EPB41L1: variants seen among roughly 807,000 people sequenced by gnomAD.
EPB41L1 encodes the protein erythrocyte membrane protein band 4.1 like 1.
A neutral mutation model predicts 97.8 loss-of-function variants in EPB41L1; 29 were observed. The ratio of observed to expected loss-of-function variants is 0.30; its 90% CI spans 0.22 to 0.40. EPB41L1 has a LOEUF of 0.40. Ranked by LOEUF, EPB41L1 falls within the 10% of genes least tolerant of loss-of-function variation. EPB41L1 has a pLI of 1.00. For synonymous variants in EPB41L1, 383 were observed against 459.2 expected, an observed-to-expected ratio of 0.83 and a Z score of 2.12; for missense variants, 812 against 1,162.3, an observed-to-expected ratio of 0.70 and a Z score of 4.38.
intron 17 of EPB41L1, 81 bp downstream of exon 17, chr20:36,214,521 G>C: frequency 8.5e-7 from 1 of 1,182,966 alleles, no homozygotes; most frequent in Admixed American, 1.9e-5. Flanking sequence ...AACATCGCCT[G>C]GCTGCTTCAG....
intron 1 of EPB41L1, among the ~76,000 whole-genome samples, chr20:36,096,808 T>C (rs2147464940): frequency 1.3e-5 from 2 of 152,358 alleles, no homozygotes; most frequent in South Asian, 4.1e-4. Context: ...GTGCCTGACT[T>C]ATGATTTGTG....
At position 36,232,331 on chromosome 20, in the gene EPB41L1, C is replaced by A; in HGVS notation, c.*2991C>A. ...GAGGGCGGTTAGGAGTTCTGGGTGA[C>A]CATCCTGGCTCAGCTCCTAACTCAC... On this transcript the variant is annotated 3_prime_UTR_variant, in exon 22 of 22. Transcript: ENST00000338074. 6.1e-6 allele frequency: 2 copies of A among 327,428 alleles called. No individual in the cohort carries two copies. Among genetic ancestry groups the A allele is most frequent in the Non-Finnish European group, 5.5e-6 (1 of 181,916 alleles). 20.3% of individuals were successfully genotyped at this position (327,428 alleles called of 1,614,324 possible). A position where few individuals can be genotyped will look rare whatever the true frequency, so the allele number is the denominator to read the frequency against.
At chr20:36,222,574 C>G (rs780912455) in intron 21 of EPB41L1, among the ~76,000 whole-genome samples, 180 bp downstream of exon 21, 41 of 152,042 alleles carry the variant, frequency 2.7e-4, no homozygotes, top group Admixed American at 2.7e-3. Flanking sequence ...AGATACAAGT[C>G]GGTGGGGAGA....
At chr20:36,175,782 C>T in intron 3 of EPB41L1, 67 bp downstream of exon 3, 4 of 1,577,290 alleles carry the variant, frequency 2.5e-6, no homozygotes, top group Non-Finnish European at 3.5e-6. Context: ...GGGCAGGCTC[C>T]TGTGTGTACC....
intron 2 of EPB41L1, among the ~76,000 whole-genome samples, chr20:36,128,359 C>G (rs77052090): frequency 6.6e-6 from 1 of 152,098 alleles, no homozygotes; most frequent in African/African-American, 2.4e-5. Flanking sequence ...TGCCCCAGGC[C>G]GGGCCTTAGA....
intron 14 of EPB41L1, chr20:36,208,277 G>A (rs747330654): frequency 2.3e-5 from 10 of 425,746 alleles, no homozygotes; most frequent in Non-Finnish European, 4.3e-5. Context: ...GCCTCCTTAA[G>A]ACTAACTGTC....
At position 36,212,744 on chromosome 20, in the gene EPB41L1, T is replaced by C. The variant is rs951081391; in HGVS notation, c.2184+368T>C. ...AGTTGGAGAGGTTTCTTGAGGTATC[T>C]CAGGGGCTGCTTGAGGAGAGAAGAG... is the stretch of plus-strand genomic sequence containing the variant. On this transcript the variant is annotated intron_variant, in intron 16 of 21. Coordinates refer to ENST00000338074, the MANE Select transcript of EPB41L1 (RefSeq NM_012156.2). This position sits in a 1 kb window ranked among gnomAD's most constrained non-coding sequence, Gnocchi z 4.8. Among the ~76,000 whole-genome samples, 32 of 152,346 alleles carry C rather than the reference T, an allele frequency of 2.1e-4. No individual in the cohort carries two copies. Among genetic ancestry groups the C allele is most frequent in the African/African-American group, 7.7e-4 (32 of 41,576 alleles).
chr20:36,108,805 C>T lies in EPB41L1; in HGVS notation c.-64-3621C>T, dbSNP rs559992981. 4.6e-5 allele frequency among the ~76,000 whole-genome samples: 7 copies of T among 152,310 alleles called. No individual in the cohort carries two copies. In the South Asian group the frequency reaches 1.4e-3, roughly 32 times the overall value. ...GGCACATTTGATTAATAACAGAAGA[C>T]TACATAAAGACTAGTTATTTGGGGA... On this transcript the variant is annotated intron_variant, in intron 1 of 19. Transcript: ENST00000202028.
rs1394228440 is a variant in EPB41L1 at position 36,206,412 on chromosome 20, C to G, written c.1669-3076C>G. On this transcript the variant is annotated intron_variant, in intron 14 of 21. Coordinates refer to ENST00000338074, the MANE Select transcript of EPB41L1 (RefSeq NM_012156.2). The surrounding 1 kb of genome is among the most constrained non-coding windows in gnomAD (Gnocchi z 5.5). ...AGTCGTTTCTATTGGATCCAGCCCACGCAGAAGCCAGAGCTGAGTTGAGCA... is the reference window on the plus strand; with the variant it reads ...AGTCGTTTCTATTGGATCCAGCCCAGGCAGAAGCCAGAGCTGAGTTGAGCA... 1.6e-6 allele frequency: 2 copies of G among 1,290,000 alleles called. No homozygotes were observed. Among genetic ancestry groups the G allele is most frequent in the Non-Finnish European group, 2.0e-6 (2 of 988,908 alleles). The allele number at this position is 1,290,000 out of a possible 1,614,324, so 79.9% of individuals were successfully genotyped here. A position where few individuals can be genotyped will look rare whatever the true frequency, so the allele number is the denominator to read the frequency against.
rs1033556243 is a variant in EPB41L1, at chr20:36,195,973, C to T, written c.1485+609C>T. On this transcript the variant is annotated intron_variant, in intron 13 of 21. Coordinates refer to ENST00000338074, the MANE Select transcript of EPB41L1 (RefSeq NM_012156.2). This position sits in a 1 kb window ranked among gnomAD's most constrained non-coding sequence, Gnocchi z 4.6. ...TACTGCTCCGCTATGGCAAAAACCT[C>T]CTCCTTTTCTCCTCCTTTCCTCGTC... is the stretch of plus-strand genomic sequence containing the variant. Among the ~76,000 whole-genome samples, 66 of 152,236 alleles carry T rather than the reference C, an allele frequency of 4.3e-4. 1 individual carries two copies. The highest frequency in any genetic ancestry group is 4.2e-3 in the Admixed American group (64 of 15,280).
At chr20:36,181,407 A>T (rs891041189) in intron 5 of EPB41L1, among the ~76,000 whole-genome samples, 1 of 152,132 alleles carries the variant, frequency 6.6e-6, no homozygotes, top group Non-Finnish European at 1.5e-5. Context: ...TCCCCTGTGT[A>T]TCTTCTTAGA....
rs376259566 is a variant in EPB41L1, at chr20:36,219,060, A to G, written c.2355+98A>G. 2.2e-5 allele frequency: 28 copies of G among 1,301,522 alleles called. No individual in the cohort carries two copies. The African/African-American group carries it at 2.3e-4, about 11-fold the overall frequency. The allele number at this position is 1,301,522 out of a possible 1,614,324, so 80.6% of individuals were successfully genotyped here. On this transcript the variant is annotated intron_variant, in intron 18 of 21. Transcript: ENST00000338074. Reference sequence around the variant, plus strand: ...GCAGGAAGTGCAGCGTTGAGCCCAGAAGGCACCCTTCTAGGTGCAAAGCCA... The same window carrying G: ...GCAGGAAGTGCAGCGTTGAGCCCAGGAGGCACCCTTCTAGGTGCAAAGCCA...
chr20:36,140,332 A>G (rs2059593175), intron 2 of EPB41L1, among the ~76,000 whole-genome samples: 1 of 151,706 alleles, frequency 6.6e-6, no homozygotes, highest in African/African-American at 2.4e-5. Flanking sequence ...TGGCCTCCCA[A>G]AGTGCTGGGA....
intron 1 of EPB41L1, among the ~76,000 whole-genome samples, chr20:36,170,893 G>A (rs574902824): frequency 5.2e-4 from 79 of 152,286 alleles, no homozygotes; most frequent in African/African-American, 1.9e-3. Context: ...CCAGGCATTT[G>A]CTGCCAGCGG....
chr20:36,198,012 C>G lies in EPB41L1; in HGVS notation c.1639C>G (p.Pro547Ala), dbSNP rs959105028. 1.9e-6 allele frequency: 3 copies of G among 1,613,568 alleles called. No homozygotes were observed. The highest frequency in any genetic ancestry group is 2.5e-6 in the Non-Finnish European group (3 of 1,179,996). The change falls in exon 14 of 22, where the codon CCC becomes GCC. Residue 547 changes from proline to alanine, a missense_variant. Coordinates refer to ENST00000338074, the MANE Select transcript of EPB41L1 (RefSeq NM_012156.2). Reference sequence around the variant, plus strand: ...GCCCTCCTCCCCCGCCTCCCCCTCCCCCAAGGGCACCCCTGAGAAAGCCAA... The same window carrying G: ...GCCCTCCTCCCCCGCCTCCCCCTCCGCCAAGGGCACCCCTGAGAAAGCCAA... ...RLPSSPASPSPKGTPEKANER... is the reference protein window; with the variant it reads ...RLPSSPASPSAKGTPEKANER...
At chr20:36,180,510 G>A (rs1288333257) in intron 5 of EPB41L1, among the ~76,000 whole-genome samples, 1 of 152,210 alleles carries the variant, frequency 6.6e-6, no homozygotes, top group Admixed American at 6.5e-5. Flanking sequence ...CAAGCACATA[G>A]TAGGTGCTCA....
chr20:36,193,083 G>C (rs138554900), intron 11 of EPB41L1, among the ~76,000 whole-genome samples: 1 of 152,184 alleles, frequency 6.6e-6, no homozygotes, highest in Non-Finnish European at 1.5e-5. Context: ...AAAGGGAAAG[G>C]TCCCTCCCCT....
chr20:36,169,221 CAAAAAA>C (rs1351633399), intron 1 of EPB41L1, among the ~76,000 whole-genome samples: 1 of 73,390 alleles, frequency 1.4e-5, no homozygotes, highest in African/African-American at 5.0e-5. Flanking sequence ...GACTCTGTCT[CAAAAAA>C]AAAAAAAAAA....
At position 36,190,294 on chromosome 20, in the gene EPB41L1, C is replaced by T. The variant is rs2061890230; in HGVS notation, c.1044C>T (p.Ser348=). The T allele has an allele frequency of 6.2e-7, 1 of 1,614,054 alleles. No homozygotes were observed. The highest frequency in any genetic ancestry group is 8.5e-7 in the Non-Finnish European group (1 of 1,180,026). ...TTTTCCAGTATGAGCAATTTGAGAG[C>T]ACAATTGGCTTTAAGCTCCCAAACC... ...IRPGEYEQFE[S]TIGFKLPNHR... is the part of the protein sequence containing the mutation. Residue 348 remains serine (S), a synonymous_variant, in exon 10 of 22, where the codon AGC becomes AGT. Coordinates refer to ENST00000338074, the MANE Select transcript of EPB41L1 (RefSeq NM_012156.2). The surrounding 1 kb of genome is among the most constrained non-coding windows in gnomAD (Gnocchi z 5.8).
Sources: allele counts gnomAD v4.1 joint callset (sites outside exome capture counted in the v4.1 genomes callset), GRCh38; gene constraint gnomAD v4.1.1; non-coding constraint Gnocchi (gnomAD v3.1); transcripts MANE v1.5; gene names NCBI Gene and HGNC (gene_info 2026-07-23, HGNC 2026-07-21).